COL9A2: variants seen among roughly 807,000 people sequenced by gnomAD.
COL9A2 encodes collagen alpha-2(IX) chain.
COL9A2 carries 66 observed loss-of-function variants against 111.6 expected under a neutral mutation model. That is an observed-to-expected ratio of 0.59 (90% confidence interval 0.48 to 0.73). COL9A2 has a LOEUF of 0.73. Among genes scored for constraint, COL9A2 ranks in the 30% least tolerant of loss-of-function variants. The probability of loss-of-function intolerance (pLI) is 0.00; values close to 1 mark genes in which losing one functional copy is unlikely to be tolerated. For synonymous variants in COL9A2, 353 were observed against 364.1 expected (o/e 0.97, Z 0.35); for missense variants, 881 against 954.1 (o/e 0.92, Z 1.01).
chr1:40,312,038 C>T lies in COL9A2; in HGVS notation c.417+21G>A. The stretch of plus-strand genomic sequence containing the variant: ...GAGATAGAAGGCAGGAGGCAGTGAA[C>T]AGAGGGTGGCTGAGGCTCACCTTGG... On this transcript the variant is annotated intron_variant, in intron 8 of 31. Coordinates refer to ENST00000372748, the MANE Select transcript of COL9A2 (RefSeq NM_001852.4). The surrounding 1 kb of genome is among the most constrained non-coding windows in gnomAD (Gnocchi z 6.0). 1.3e-6 allele frequency: 2 copies of T among 1,595,030 alleles called. No homozygotes were observed. Among genetic ancestry groups the T allele is most frequent in the South Asian group, 1.1e-5 (1 of 87,264 alleles).
At position 40,307,033 on chromosome 1, in the gene COL9A2, C is replaced by T. The variant is rs1395979359; in HGVS notation, c.1008+413G>A. 2.0e-5 allele frequency among the ~76,000 whole-genome samples: 3 copies of T among 152,028 alleles called. No homozygotes were observed. Among genetic ancestry groups the T allele is most frequent in the Middle Eastern group, 3.4e-3 (1 of 294 alleles). ...CTAATTTTTGTATTTTTAGTAGAGA[C>T]GGGGTGTCACCACATTGGCCAGGCT... is the stretch of plus-strand genomic sequence containing the variant. On this transcript the variant is annotated intron_variant, in intron 19 of 31. Coordinates refer to ENST00000372748, the MANE Select transcript of COL9A2 (RefSeq NM_001852.4). The surrounding 1 kb of genome is among the most constrained non-coding windows in gnomAD (Gnocchi z 4.8).
intron 16 of COL9A2, among the ~76,000 whole-genome samples, chr1:40,309,195 C>T (rs1446663793): frequency 3.3e-5 from 5 of 151,952 alleles, no homozygotes; most frequent in African/African-American, 9.7e-5. Flanking sequence ...GAGCCGAGAT[C>T]GCACCATGCA....
At position 40,303,613 on chromosome 1, in the gene COL9A2, G is replaced by A; in HGVS notation, c.1465C>T (p.Gln489Ter). ...PSGDAGAPGV[Q>*]GYPGPPGPRG... ...GGGCCGGGGGGACCAGGGTAGCCCT[G>A]AACCCCTGGGGCGCCCGCATCCCCG... The change falls in exon 28 of 32, where the codon CAG becomes TAG. Residue 489 changes from glutamine to a stop codon, truncating the protein, a stop_gained. Transcript: ENST00000372748. LOFTEE classifies it high-confidence loss of function. The surrounding 1 kb of genome is among the most constrained non-coding windows in gnomAD (Gnocchi z 4.6). 6.2e-7 allele frequency: 1 copy of A among 1,603,082 alleles called. No individual in the cohort carries two copies. The highest frequency in any genetic ancestry group is 8.5e-7 in the Non-Finnish European group (1 of 1,175,816).
rs1644061625 is a variant in COL9A2, at chr1:40,308,247, T to G, written c.847-2A>C. ...GGGTCCACGAATACCTGGGCTGCCCTGCAAAGCGGAGAGAGATCAGGTCAC... is the reference window on the plus strand; with the variant it reads ...GGGTCCACGAATACCTGGGCTGCCCGGCAAAGCGGAGAGAGATCAGGTCAC... On this transcript the variant is annotated splice_acceptor_variant, in intron 16 of 31. Transcript: ENST00000372748. LOFTEE classifies it high-confidence loss of function. 1 of 1,613,800 alleles carries G rather than the reference T, an allele frequency of 6.2e-7. No individual in the cohort carries two copies. Among genetic ancestry groups the G allele is most frequent in the Non-Finnish European group, 8.5e-7 (1 of 1,179,854 alleles).
rs779055482 is a variant in COL9A2, at chr1:40,311,164, G to A, written c.577-18C>T. The stretch of plus-strand genomic sequence containing the variant: ...GCATGCCCCTGAAGGGAAGGAGAGA[G>A]CTCAATACGAGGTCCCCTCCTGTCA... On this transcript the variant is annotated intron_variant, in intron 11 of 31. Coordinates refer to ENST00000372748, the MANE Select transcript of COL9A2 (RefSeq NM_001852.4). This position sits in a 1 kb window ranked among gnomAD's most constrained non-coding sequence, Gnocchi z 5.1. 4 of 1,614,198 alleles carry A rather than the reference G, an allele frequency of 2.5e-6. No individual in the cohort carries two copies. In the Admixed American group the frequency reaches 5.0e-5, roughly 20 times the overall value.
In COL9A2 at chr1:40,301,064, C is replaced by A; in HGVS notation, c.*118G>T. On this transcript the variant is annotated 3_prime_UTR_variant, in exon 32 of 32. Coordinates refer to ENST00000372748, the MANE Select transcript of COL9A2 (RefSeq NM_001852.4). ...TCCTTTTCCTTAGGACTCCTGAGTC[C>A]CAGACAGAAGGTCCTGGGGGAGATG... 1 of 1,096,026 alleles carries A rather than the reference C, an allele frequency of 9.1e-7. No individual in the cohort carries two copies. Among genetic ancestry groups the A allele is most frequent in the Non-Finnish European group, 1.4e-6 (1 of 734,520 alleles). The allele number at this position is 1,096,026 out of a possible 1,614,324, so 67.9% of individuals were successfully genotyped here. A position where few individuals can be genotyped will look rare whatever the true frequency, so the allele number is the denominator to read the frequency against.
chr1:40,301,537 A>AC lies in COL9A2; in HGVS notation c.1871-157dup, dbSNP rs113002355. ...GGCAGAGATTCTGTGATTGTCCCCTACCCCCAGCTCCCAATCAGTGAGCTT... is the reference window on the plus strand; with the variant it reads ...GGCAGAGATTCTGTGATTGTCCCCTACCCCCCAGCTCCCAATCAGTGAGCTT... On this transcript the variant is annotated intron_variant, in intron 31 of 31. Coordinates refer to ENST00000372748, the MANE Select transcript of COL9A2 (RefSeq NM_001852.4). Among the ~76,000 whole-genome samples, 15 of 152,190 alleles carry AC rather than the reference A, an allele frequency of 9.9e-5. 1 individual carries two copies. The highest frequency in any genetic ancestry group is 3.6e-4 in the African/African-American group (15 of 41,532).
rs1345216288 is a variant in COL9A2 at position 40,303,541 on chromosome 1, G to C, written c.1537C>G (p.Gln513Glu). Residue 513 changes from glutamine (Q) to glutamate (E), a missense_variant, in exon 28 of 32, where the codon CAG becomes GAG. Gln to Glu is a conservative substitution (Grantham distance 29). Transcript: ENST00000372748. This position sits in a 1 kb window ranked among gnomAD's most constrained non-coding sequence, Gnocchi z 4.6. The stretch of plus-strand genomic sequence containing the variant: ...GGGGCCCGACTCACCTCCACGCCCT[G>C]TCTCCCGGGCTGTCCTGGCACGCCT... ...NRGVPGQPGR[Q>E]GVEGRDATDQ... 1 of 1,611,694 alleles carries C rather than the reference G, an allele frequency of 6.2e-7. No individual in the cohort carries two copies. Among genetic ancestry groups the C allele is most frequent in the South Asian group, 1.1e-5 (1 of 90,950 alleles).
Position 40,303,860 on chromosome 1 carries a change from G to T in COL9A2, c.1369-21C>A, listed in dbSNP as rs113318563. On this transcript the variant is annotated intron_variant, in intron 26 of 31. Transcript: ENST00000372748. This position sits in a 1 kb window ranked among gnomAD's most constrained non-coding sequence, Gnocchi z 4.6. Reference sequence around the variant, plus strand: ...TCGCCCTGCAGGCACAAGGAGCAGCGGTCACGAAGCCGCGGGGACCCCGGG... The same window carrying T: ...TCGCCCTGCAGGCACAAGGAGCAGCTGTCACGAAGCCGCGGGGACCCCGGG... 115 of 1,551,880 alleles carry T rather than the reference G, an allele frequency of 7.4e-5. No individual in the cohort carries two copies. The African/African-American group carries it at 1.1e-3, about 15-fold the overall frequency.
At chr1:40,309,129 C>T (rs867995791) in intron 16 of COL9A2, among the ~76,000 whole-genome samples, 1 of 151,900 alleles carries the variant, frequency 6.6e-6, no homozygotes, top group Non-Finnish European at 1.5e-5. Context: ...TAATCCCAGC[C>T]ACTTGGGTGG....
rs978123154 is a variant in COL9A2 at position 40,302,101 on chromosome 1, C to T, written c.1793-212G>A. Among the ~76,000 whole-genome samples, 5 of 151,828 alleles carry T rather than the reference C, an allele frequency of 3.3e-5. No homozygotes were observed. Among genetic ancestry groups the T allele is most frequent in the Non-Finnish European group, 7.4e-5 (5 of 68,000 alleles). The stretch of plus-strand genomic sequence containing the variant: ...ACCAATAAAGTTTATTACAGGAAAG[C>T]AAGCATAACAATATCTAGCATTTAC... On this transcript the variant is annotated intron_variant, in intron 30 of 31. Coordinates refer to ENST00000372748, the MANE Select transcript of COL9A2 (RefSeq NM_001852.4). The surrounding 1 kb of genome is among the most constrained non-coding windows in gnomAD (Gnocchi z 4.5).
In COL9A2 at chr1:40,304,394, G is replaced by A; in HGVS notation, c.1216-3C>T. Reference sequence around the variant, plus strand: ...GGGCCCTGCTCCCCCTTAGGGCCCTGAGGAGAAAAGAAACCAAAGGAATAA... The same window carrying A: ...GGGCCCTGCTCCCCCTTAGGGCCCTAAGGAGAAAAGAAACCAAAGGAATAA... On this transcript the variant is annotated splice_region_variant and splice_polypyrimidine_tract_variant and intron_variant, in intron 23 of 31. Transcript: ENST00000372748. 6.2e-7 allele frequency: 1 copy of A among 1,603,310 alleles called. No individual in the cohort carries two copies. Among genetic ancestry groups the A allele is most frequent in the Non-Finnish European group, 8.5e-7 (1 of 1,174,786 alleles).
chr1:40,301,412 G>T, intron 31 of COL9A2, 31 bp from the exon 32 acceptor site: 1 of 1,577,986 alleles, frequency 6.3e-7, no homozygotes, highest in Non-Finnish European at 8.6e-7. Context: ...AGACATTAGG[G>T]GCACCTCTTG....
Position 40,314,322 on chromosome 1 carries a change from G to A in COL9A2, c.186+30C>T. ...CCAGAGGAGGGCAAGAGCAGGAAGG[G>A]TCAAAGGCCAAAGAGGATAAAGCAC... On this transcript the variant is annotated intron_variant, in intron 3 of 31. Transcript: ENST00000372748. This position sits in a 1 kb window ranked among gnomAD's most constrained non-coding sequence, Gnocchi z 4.1. The A allele has an allele frequency of 6.2e-7, 1 of 1,614,190 alleles. No individual in the cohort carries two copies. Among genetic ancestry groups the A allele is most frequent in the Admixed American group, 1.7e-5 (1 of 60,020 alleles).
rs1350239778 is a variant in COL9A2, at chr1:40,311,627, G to A, written c.471+35C>T. 6 of 1,613,628 alleles carry A rather than the reference G, an allele frequency of 3.7e-6. No homozygotes were observed. The East Asian group carries it at 8.9e-5, about 24-fold the overall frequency. ...GCTCAAAGACCCTTCTCCTTCCCCT[G>A]CACTTTGCCATGTCGGGGGTCTGGG... On this transcript the variant is annotated intron_variant, in intron 9 of 31. Transcript: ENST00000372748. This position sits in a 1 kb window ranked among gnomAD's most constrained non-coding sequence, Gnocchi z 5.1.
chr1:40,309,974 C>T lies in COL9A2; in HGVS notation c.810G>A (p.Arg270=). Residue 270 remains arginine, a synonymous_variant, in exon 16 of 32, where the codon AGG becomes AGA. Transcript: ENST00000372748. ...TCTCCCCAGCTCGGCCTGGCGGTCC[C>T]CTAGGACCTTCCTCACCCTGGCAAG... ...ATGPPGEEGP[R]GPPGRAGEKG... 1 of 1,614,132 alleles carries T rather than the reference C, an allele frequency of 6.2e-7. No individual in the cohort carries two copies. The highest frequency in any genetic ancestry group is 1.1e-5 in the South Asian group (1 of 91,080).
chr1:40,308,279 G>A, intron 16 of COL9A2, 34 bp from the exon 17 acceptor site: 1 of 1,604,290 alleles, frequency 6.2e-7, no homozygotes, highest in Non-Finnish European at 8.5e-7. Context: ...TCACCCTCAG[G>A]ATGTTGGGCC....
chr1:40,311,963 C>G lies in COL9A2; in HGVS notation c.417+96G>C. On this transcript the variant is annotated intron_variant, in intron 8 of 31. Coordinates refer to ENST00000372748, the MANE Select transcript of COL9A2 (RefSeq NM_001852.4). This position sits in a 1 kb window ranked among gnomAD's most constrained non-coding sequence, Gnocchi z 5.1. ...AGACCTGGAGGAGTTTCCCAGTGGC[C>G]AGGAGCAGGCCCAGGAACTTCCAGA... The G allele has an allele frequency of 7.4e-7, 1 of 1,348,804 alleles. No individual in the cohort carries two copies. The highest frequency in any genetic ancestry group is 1.0e-6 in the Non-Finnish European group (1 of 960,744). 83.6% of individuals were successfully genotyped at this position (1,348,804 alleles called of 1,614,324 possible).
At position 40,301,277 on chromosome 1, in the gene COL9A2, C is replaced by G. The variant is rs1272534243; in HGVS notation, c.1975G>C (p.Gly659Arg). 3.7e-6 allele frequency: 6 copies of G among 1,613,930 alleles called. No homozygotes were observed. The highest frequency in any genetic ancestry group is 4.2e-6 in the Non-Finnish European group (5 of 1,179,918). Residue 659 changes from glycine to arginine, a missense_variant, in exon 32 of 32, where the codon GGG becomes CGG. By Grantham distance (125) the Gly-to-Arg change is moderately radical (BLOSUM62 -2). Coordinates refer to ENST00000372748, the MANE Select transcript of COL9A2 (RefSeq NM_001852.4). ...GCAGGTTCACAGAAGCCCGGCAGCC[C>G]CACGGGGCCTGGCAGGCCAGGTCGA... ...AGRPGLPGPV[G>R]LPGFCEPAAC...
Sources: allele counts gnomAD v4.1 joint callset (sites outside exome capture counted in the v4.1 genomes callset), GRCh38; gene constraint gnomAD v4.1.1; non-coding constraint Gnocchi (gnomAD v3.1); transcripts MANE v1.5; gene names NCBI Gene and HGNC (gene_info 2026-07-23, HGNC 2026-07-21).